The following ARHGAP6 variants were observed in gnomAD, a reference collection of about 807,000 sequenced individuals.
The protein encoded by ARHGAP6 is Rho GTPase activating protein 6.
ARHGAP6 carries 16 observed loss-of-function variants against 55.7 expected under a neutral mutation model. The ratio of observed to expected loss-of-function variants is 0.29; its 90% CI spans 0.19 to 0.44. The LOEUF is 0.44. ARHGAP6 is among the 20% of genes least tolerant of loss of function. The pLI is 1.00. For synonymous variants in ARHGAP6, 382 were observed against 360.9 expected (o/e 1.06, Z -0.66); for missense variants, 698 against 808.9 (o/e 0.86, Z 1.66).
rs755105794 is a variant in ARHGAP6 at position 11,585,927 on chromosome X, A to G, written c.588+78314T>C. ...ATGTCCAGAGCAACAGGAAGTGGGA[A>G]TAAGGTACTACACACTTTTATACAA... is the stretch of plus-strand genomic sequence containing the variant. On this transcript the variant is annotated intron_variant, in intron 1 of 12. Coordinates refer to ENST00000337414, the MANE Select transcript of ARHGAP6 (RefSeq NM_013427.3). Among the ~76,000 whole-genome samples, 7 of 111,372 alleles carry G rather than the reference A, an allele frequency of 6.3e-5. No individual in the cohort carries two copies. The Admixed American group carries it at 6.7e-4, about 11-fold the overall frequency.
At chrX:11,474,553 G>A (rs1340278911) in intron 1 of ARHGAP6, among the ~76,000 whole-genome samples, 1 of 112,103 alleles carries the variant, frequency 8.9e-6, no homozygotes, top group Non-Finnish European at 1.9e-5. Flanking sequence ...TCATACAGAA[G>A]AATAAAAATA....
chrX:11,440,412 G>A (rs762496401), intron 1 of ARHGAP6, among the ~76,000 whole-genome samples: 5 of 112,309 alleles, frequency 4.5e-5, no homozygotes, highest in Admixed American at 9.4e-5. Flanking sequence ...TGCCAGAGGA[G>A]ATGCCCACTG....
At chrX:11,482,960 G>A (rs1194975093) in intron 1 of ARHGAP6, among the ~76,000 whole-genome samples, 3 of 111,210 alleles carry the variant, frequency 2.7e-5, no homozygotes, top group African/African-American at 9.8e-5. Flanking sequence ...TGAACTCTGT[G>A]GAGCCTCCCT....
In ARHGAP6 at chrX:11,409,709, A is replaced by G. The variant is rs143562662; in HGVS notation, c.589-155002T>C. Among the ~76,000 whole-genome samples, 549 of 112,964 alleles carry G rather than the reference A, an allele frequency of 4.9e-3. 3 individuals carry two copies. Among genetic ancestry groups the G allele is most frequent in the African/African-American group, 0.017 (532 of 31,174 alleles). ...TTTTAAAAGGAGGACTACAAAAAATACTGTTGTGAAGCAAATGATCACCAT... is the reference window on the plus strand; with the variant it reads ...TTTTAAAAGGAGGACTACAAAAAATGCTGTTGTGAAGCAAATGATCACCAT... On this transcript the variant is annotated intron_variant, in intron 1 of 12. Coordinates refer to ENST00000337414, the MANE Select transcript of ARHGAP6 (RefSeq NM_013427.3).
chrX:11,289,219 C>T (rs1040808866), intron 1 of ARHGAP6, among the ~76,000 whole-genome samples: 1 of 109,104 alleles, frequency 9.2e-6, no homozygotes, highest in Non-Finnish European at 1.9e-5. Flanking sequence ...TTTAAAAAAT[C>T]GTGTGTTTTT....
At chrX:11,274,771 T>A (rs1392486096) in intron 1 of ARHGAP6, among the ~76,000 whole-genome samples, 1 of 110,980 alleles carries the variant, frequency 9.0e-6, no homozygotes, top group Non-Finnish European at 1.9e-5. Context: ...ATCCTGATGC[T>A]CTCCCTCCCC....
chrX:11,654,166 C>T (rs1340312290), intron 1 of ARHGAP6, among the ~76,000 whole-genome samples: 1 of 111,328 alleles, frequency 9.0e-6, no homozygotes, highest in Non-Finnish European at 1.9e-5. Context: ...GCTATTGTTG[C>T]CTAAGGCTTC....
At chrX:11,416,502 T>C (rs959605565) in intron 1 of ARHGAP6, among the ~76,000 whole-genome samples, 13 of 111,171 alleles carry the variant, frequency 1.2e-4, no homozygotes, top group Non-Finnish European at 2.3e-4. Context: ...ATGCAGGAAG[T>C]CTTTCTAACT....
At chrX:11,358,664 T>C (rs969012676) in intron 1 of ARHGAP6, among the ~76,000 whole-genome samples, 36 of 110,424 alleles carry the variant, frequency 3.3e-4, no homozygotes, top group African/African-American at 1.2e-3. Flanking sequence ...TATTTTTTAG[T>C]AGAGGTGGGG....
At chrX:11,661,050 A>G (rs1034517362) in intron 1 of ARHGAP6, among the ~76,000 whole-genome samples, 1 of 112,168 alleles carries the variant, frequency 8.9e-6, no homozygotes, top group African/African-American at 3.3e-5. Context: ...TGCTTGTGCC[A>G]TGAATGAAGA....
chrX:11,281,090 A>G (rs1409386113), intron 1 of ARHGAP6, among the ~76,000 whole-genome samples: 1 of 112,302 alleles, frequency 8.9e-6, no homozygotes, highest in Non-Finnish European at 1.9e-5. Context: ...TGGGAATGAA[A>G]AAACAAACTC....
At chrX:11,379,579 C>A (rs2049239890) in intron 1 of ARHGAP6, among the ~76,000 whole-genome samples, 1 of 112,149 alleles carries the variant, frequency 8.9e-6, no homozygotes, top group East Asian at 2.8e-4. Flanking sequence ...GTTTAACAAA[C>A]AAAATCCTTT....
At chrX:11,183,792 G>C (rs1205660660) in intron 5 of ARHGAP6, among the ~76,000 whole-genome samples, 1 of 111,903 alleles carries the variant, frequency 8.9e-6, no homozygotes, top group East Asian at 2.8e-4. Context: ...ACATTACTCT[G>C]ATTGCGGTGT....
At chrX:11,664,174 G>T in intron 1 of ARHGAP6, 67 bp downstream of exon 1, 1 of 1,014,395 alleles carries the variant, frequency 9.9e-7, no homozygotes, top group Non-Finnish European at 1.3e-6. Flanking sequence ...TGGAATTAAA[G>T]GCGGTCTCCT....
intron 1 of ARHGAP6, among the ~76,000 whole-genome samples, chrX:11,338,402 T>C (rs1282356864): frequency 8.9e-6 from 1 of 111,792 alleles, no homozygotes; most frequent in Middle Eastern, 4.2e-3. Context: ...TAAAATACTA[T>C]AAATGCAAGC....
chrX:11,370,220 T>C (rs5933879), intron 1 of ARHGAP6, among the ~76,000 whole-genome samples: 6,118 of 112,441 alleles, frequency 0.054, 161 homozygotes, highest in Middle Eastern at 0.12. Flanking sequence ...CTCTTTTTCC[T>C]AATTGGGTAT....
intron 1 of ARHGAP6, among the ~76,000 whole-genome samples, chrX:11,447,292 A>G (rs752295987): frequency 8.9e-6 from 1 of 112,295 alleles, no homozygotes; most frequent in East Asian, 2.8e-4. Flanking sequence ...TTTCTATAGC[A>G]CCATAACAAA....
chrX:11,238,458 A>C lies in ARHGAP6; in HGVS notation c.748+16090T>G, dbSNP rs962484180. 1.1e-3 allele frequency among the ~76,000 whole-genome samples: 122 copies of C among 111,864 alleles called. 1 individual carries two copies. The highest frequency in any genetic ancestry group is 3.9e-3 in the African/African-American group (121 of 30,767). On this transcript the variant is annotated intron_variant, in intron 2 of 12. Coordinates refer to ENST00000337414, the MANE Select transcript of ARHGAP6 (RefSeq NM_013427.3). ...CCCTCTGATAGTCAACAGTTGTATGAATGGATGTTTAGCATTTAGAGAAGA... is the reference window on the plus strand; with the variant it reads ...CCCTCTGATAGTCAACAGTTGTATGCATGGATGTTTAGCATTTAGAGAAGA...
intron 1 of ARHGAP6, among the ~76,000 whole-genome samples, chrX:11,581,885 C>A (rs2051670968): frequency 9.0e-6 from 1 of 111,011 alleles, no homozygotes; most frequent in African/African-American, 3.3e-5. Flanking sequence ...ACTAAAAACA[C>A]TGAACTGTTT....
Sources: gnomAD v4.1 joint callset for allele counts (sites outside exome capture counted in the v4.1 genomes callset) on GRCh38, gnomAD v4.1.1 for gene constraint, MANE v1.5 for transcripts, NCBI Gene and HGNC (gene_info 2026-07-23, HGNC 2026-07-21) for gene names.